BCL2: variants seen among roughly 807,000 people sequenced by gnomAD.
The protein encoded by BCL2 is apoptosis regulator Bcl-2.
BCL2 carries 1 observed loss-of-function variant against 14.2 expected under a neutral mutation model. That is an observed-to-expected ratio of 0.07 (90% confidence interval 0.02 to 0.33). BCL2 has a LOEUF of 0.33. Ranked by LOEUF, BCL2 falls within the 10% of genes least tolerant of loss-of-function variation. The pLI is 0.99. For missense variants in BCL2, 247 were observed against 305.9 expected (o/e 0.81, Z 1.44); for synonymous variants, 151 against 137.2 (o/e 1.10, Z -0.70).
At chr18:63,263,779 G>A (rs1040727678) in intron 2 of BCL2, among the ~76,000 whole-genome samples, 3 of 152,186 alleles carry the variant, frequency 2.0e-5, no homozygotes, top group Non-Finnish European at 2.9e-5. Flanking sequence ...CTTCAACTCA[G>A]TATCCTCACC....
Position 63,183,332 on chromosome 18 carries a change from A to G in BCL2, c.586-54573T>C, listed in dbSNP as rs184840555. Among the ~76,000 whole-genome samples, 324 of 152,176 alleles carry G rather than the reference A, an allele frequency of 2.1e-3. 1 individual carries two copies. Among genetic ancestry groups the G allele is most frequent in the African/African-American group, 7.2e-3 (301 of 41,522 alleles). On this transcript the variant is annotated intron_variant, in intron 2 of 2. Transcript: ENST00000333681. ...TCCTCTATTGCTCCAGGAGAGGAAAATGCCCCCCACCCCCACCCAGGAGTT... is the reference window on the plus strand; with the variant it reads ...TCCTCTATTGCTCCAGGAGAGGAAAGTGCCCCCCACCCCCACCCAGGAGTT...
chr18:63,142,038 G>A (rs1181138445), intron 2 of BCL2, among the ~76,000 whole-genome samples: 3 of 152,338 alleles, frequency 2.0e-5, no homozygotes, highest in East Asian at 1.9e-4. Context: ...TCAGGACATC[G>A]CTGCTGGGGG....
chr18:63,246,936 A>G (rs1911166624), intron 2 of BCL2, among the ~76,000 whole-genome samples: 1 of 152,224 alleles, frequency 6.6e-6, no homozygotes, highest in South Asian at 2.1e-4. Context: ...ATTAATGATC[A>G]TCTAGGTTAG....
chr18:63,261,851 G>A (rs1182785976), intron 2 of BCL2, among the ~76,000 whole-genome samples: 1 of 151,264 alleles, frequency 6.6e-6, no homozygotes, highest in African/African-American at 2.4e-5. Flanking sequence ...ATGATCCCAG[G>A]TCACTGCAAC....
chr18:63,230,679 C>A (rs1313524345), intron 2 of BCL2, among the ~76,000 whole-genome samples: 2 of 152,022 alleles, frequency 1.3e-5, no homozygotes, highest in South Asian at 4.1e-4. Flanking sequence ...CATGAGAATT[C>A]TTTTCTGTAT....
intron 2 of BCL2, among the ~76,000 whole-genome samples, chr18:63,178,398 T>A (rs1015397200): frequency 2.0e-5 from 3 of 152,184 alleles, no homozygotes; most frequent in Non-Finnish European, 4.4e-5. Context: ...GAGCCTCCCA[T>A]GCGCAAGGCG....
intron 2 of BCL2, among the ~76,000 whole-genome samples, chr18:63,307,725 T>C (rs974335785): frequency 3.3e-5 from 5 of 152,130 alleles, no homozygotes; most frequent in Non-Finnish European, 7.4e-5. Flanking sequence ...TGGGTGTCCT[T>C]TATAATTTGA....
At chr18:63,145,959 A>T (rs942660295) in intron 2 of BCL2, among the ~76,000 whole-genome samples, 4 of 151,972 alleles carry the variant, frequency 2.6e-5, no homozygotes, top group African/African-American at 9.7e-5. Context: ...GGTCCCCAAG[A>T]TCCCCCAAAC....
intron 2 of BCL2, among the ~76,000 whole-genome samples, chr18:63,216,196 C>T (rs941944696): frequency 1.3e-5 from 2 of 151,654 alleles, no homozygotes; most frequent in African/African-American, 4.8e-5. Context: ...AAAATTCTAT[C>T]TTGCTTTTGT....
At chr18:63,129,975 G>C (rs1013482311) in intron 2 of BCL2, among the ~76,000 whole-genome samples, 1 of 152,190 alleles carries the variant, frequency 6.6e-6, no homozygotes, top group African/African-American at 2.4e-5. Flanking sequence ...TGGATGTGCA[G>C]GTCCCTGAGA....
intron 2 of BCL2, among the ~76,000 whole-genome samples, chr18:63,186,989 C>T (rs986508054): frequency 6.6e-6 from 1 of 152,136 alleles, no homozygotes; most frequent in Non-Finnish European, 1.5e-5. Flanking sequence ...TGTGAATATC[C>T]ATCTTCATTA....
chr18:63,130,982 C>T (rs1205580674), intron 2 of BCL2, among the ~76,000 whole-genome samples: 2 of 152,124 alleles, frequency 1.3e-5, no homozygotes, highest in African/African-American at 4.8e-5. Flanking sequence ...CCCCAGGGGA[C>T]ATTTGGCAAT....
At chr18:63,233,128 AC>A (rs1910731866) in intron 2 of BCL2, among the ~76,000 whole-genome samples, 1 of 152,312 alleles carries the variant, frequency 6.6e-6, no homozygotes, top group East Asian at 1.9e-4. Context: ...TTAGAAGGGC[AC>A]TAAACCCACT....
intron 2 of BCL2, among the ~76,000 whole-genome samples, chr18:63,144,859 A>G (rs945096935): frequency 6.6e-6 from 1 of 152,120 alleles, no homozygotes; most frequent in East Asian, 1.9e-4. Context: ...CAGTCACAGG[A>G]CCTTCCCCAT....
chr18:63,166,538 G>A lies in BCL2; in HGVS notation c.586-37779C>T, dbSNP rs533036701. Among the ~76,000 whole-genome samples the A allele has an allele frequency of 8.5e-5, 13 of 152,294 alleles. No homozygotes were observed. The East Asian group carries it at 1.5e-3, about 18-fold the overall frequency. ...ATATCATGATCAGATCATGGAAAAC[G>A]TATACATATTAACAGGGAACCCTGG... On this transcript the variant is annotated intron_variant, in intron 2 of 2. Transcript: ENST00000333681.
chr18:63,127,604 C>T lies in BCL2; in HGVS notation c.*1021G>A, dbSNP rs929908886. 2 of 231,088 alleles carry T rather than the reference C, an allele frequency of 8.7e-6. No individual in the cohort carries two copies. Among genetic ancestry groups the T allele is most frequent in the African/African-American group, 4.4e-5 (2 of 45,222 alleles). 14.3% of individuals were successfully genotyped at this position (231,088 alleles called of 1,614,324 possible). ...GAGGAGGCCAGTGAGGGCCCCGGCT[C>T]AGTTCCAGGACCAGGCCTCCAAGCT... On this transcript the variant is annotated 3_prime_UTR_variant, in exon 3 of 3. Coordinates refer to ENST00000333681, the MANE Select transcript of BCL2 (RefSeq NM_000633.3).
rs1056774509 is a variant in BCL2 at position 63,283,034 on chromosome 18, A to G, written c.585+35048T>C. Reference sequence around the variant, plus strand: ...TGGGCTTCTTTCTGAGAAATTCTCCATTGGTTCTGAGAAGTACTTCTATTG... The same window carrying G: ...TGGGCTTCTTTCTGAGAAATTCTCCGTTGGTTCTGAGAAGTACTTCTATTG... On this transcript the variant is annotated intron_variant, in intron 2 of 2. Transcript: ENST00000333681. Among the ~76,000 whole-genome samples, 6 of 152,198 alleles carry G rather than the reference A, an allele frequency of 3.9e-5. No individual in the cohort carries two copies. In the East Asian group the frequency reaches 1.2e-3, roughly 29 times the overall value.
At chr18:63,166,397 T>C (rs1344638666) in intron 2 of BCL2, among the ~76,000 whole-genome samples, 2 of 152,168 alleles carry the variant, frequency 1.3e-5, no homozygotes, top group Non-Finnish European at 2.9e-5. Flanking sequence ...CCCTGGACCC[T>C]GGACAGCACG....
intron 2 of BCL2, among the ~76,000 whole-genome samples, chr18:63,253,048 T>C (rs983711948): frequency 1.3e-5 from 2 of 152,242 alleles, no homozygotes; most frequent in Admixed American, 1.3e-4. Flanking sequence ...TTAACTAGAA[T>C]TATTCCTCAG....
Sources: gnomAD v4.1 joint callset for allele counts (sites outside exome capture counted in the v4.1 genomes callset) on GRCh38, gnomAD v4.1.1 for gene constraint, MANE v1.5 for transcripts, NCBI Gene and HGNC (gene_info 2026-07-23, HGNC 2026-07-21) for gene names.